The following SKIC3 variants were observed in gnomAD, a reference collection of about 807,000 sequenced individuals.
The protein encoded by SKIC3 is superkiller complex protein 3.
chr5:95,526,973 G>T, the SKIC3 span, among the ~76,000 whole-genome samples: 4 of 152,116 alleles, frequency 2.6e-5, no homozygotes, highest in Non-Finnish European at 5.9e-5. Flanking sequence ...TTCATAGTTG[G>T]GTTCTTAGCA....
the SKIC3 span, among the ~76,000 whole-genome samples, chr5:95,505,772 C>T: frequency 6.6e-6 from 1 of 150,800 alleles, no homozygotes; most frequent in South Asian, 2.1e-4. Context: ...AAGATCGCGC[C>T]ACTGCACTCC....
chr5:95,533,834 A>AT, the SKIC3 span, among the ~76,000 whole-genome samples: 9 of 152,020 alleles, frequency 5.9e-5, no homozygotes, highest in Non-Finnish European at 1.0e-4. Context: ...TGTTGATCCT[A>AT]TTTTTTTCTA....
chr5:95,506,966 A>G, the SKIC3 span: 2 of 1,613,504 alleles, frequency 1.2e-6, no homozygotes, highest in Non-Finnish European at 1.7e-6. Context: ...TTATTGCAAC[A>G]TTGTAAGTAT....
the SKIC3 span, among the ~76,000 whole-genome samples, chr5:95,525,113 C>T: frequency 2.0e-5 from 3 of 151,920 alleles, no homozygotes; most frequent in African/African-American, 4.8e-5. Flanking sequence ...TGAATTCCTG[C>T]GCTCAAGAGA....
chr5:95,538,800 C>G, the SKIC3 span, among the ~76,000 whole-genome samples: 2 of 151,954 alleles, frequency 1.3e-5, no homozygotes, highest in Admixed American at 6.6e-5. Context: ...TAAATTTACT[C>G]TAAATACTAA....
the SKIC3 span, chr5:95,517,033 C>T: frequency 2.5e-6 from 4 of 1,613,600 alleles, no homozygotes; most frequent in Non-Finnish European, 3.4e-6. Context: ...TAGATGTAGA[C>T]ATCAGTTTTA....
chr5:95,492,884 A>T, the SKIC3 span, among the ~76,000 whole-genome samples: 314 of 152,114 alleles, frequency 2.1e-3, 2 homozygotes, highest in African/African-American at 7.4e-3. Context: ...AATTTCTTCT[A>T]TCACAACACA....
At chr5:95,472,718 G>A in the SKIC3 span, among the ~76,000 whole-genome samples, 4 of 152,008 alleles carry the variant, frequency 2.6e-5, no homozygotes, top group Non-Finnish European at 5.9e-5. Flanking sequence ...ACCCAGTTAG[G>A]GAGCATAATA....
the SKIC3 span, among the ~76,000 whole-genome samples, chr5:95,465,012 C>T: frequency 6.7e-6 from 1 of 148,714 alleles, no homozygotes. Flanking sequence ...ACTGCAACCT[C>T]CACCTCCTGG....
the SKIC3 span, among the ~76,000 whole-genome samples, chr5:95,478,718 G>C: frequency 2.0e-5 from 3 of 151,932 alleles, no homozygotes; most frequent in Non-Finnish European, 4.4e-5. Flanking sequence ...TGCAAAGTTG[G>C]CTTAATATAT....
chr5:95,531,079 C>T, the SKIC3 span, among the ~76,000 whole-genome samples: 1 of 151,740 alleles, frequency 6.6e-6, no homozygotes, highest in Non-Finnish European at 1.5e-5. Flanking sequence ...AAAAAAAAGA[C>T]CCGATGCTTT....
At chr5:95,534,664 T>C in the SKIC3 span, among the ~76,000 whole-genome samples, 3 of 152,210 alleles carry the variant, frequency 2.0e-5, no homozygotes, top group African/African-American at 4.8e-5. Flanking sequence ...AGAGTCCACC[T>C]TCTTCTCTGA....
At chr5:95,499,882 T>G in the SKIC3 span, among the ~76,000 whole-genome samples, 1 of 152,108 alleles carries the variant, frequency 6.6e-6, no homozygotes, top group Non-Finnish European at 1.5e-5. Flanking sequence ...GACTTAGCCT[T>G]ATGGAGGAAA....
the SKIC3 span, among the ~76,000 whole-genome samples, chr5:95,549,816 T>C: frequency 1.8e-4 from 27 of 152,026 alleles, 1 homozygote; most frequent in Middle Eastern, 3.4e-3. Flanking sequence ...AAACCCTTAT[T>C]GAGATCCAAC....
At chr5:95,526,346 T>G in the SKIC3 span, among the ~76,000 whole-genome samples, 1 of 152,100 alleles carries the variant, frequency 6.6e-6, no homozygotes, top group African/African-American at 2.4e-5. Flanking sequence ...ATTCTCAAGG[T>G]GTTTAACATG....
chr5:95,486,340 G>A, the SKIC3 span, among the ~76,000 whole-genome samples: 1 of 152,140 alleles, frequency 6.6e-6, no homozygotes, highest in Non-Finnish European at 1.5e-5. Context: ...GCATATTCAA[G>A]TGCCCTGAGA....
the SKIC3 span, chr5:95,503,771 C>T: frequency 9.3e-6 from 15 of 1,611,060 alleles, no homozygotes; most frequent in Non-Finnish European, 1.1e-5. Flanking sequence ...CATGATTAAA[C>T]TCGACTCTAA....
At chr5:95,521,206 T>C in the SKIC3 span, among the ~76,000 whole-genome samples, 1 of 152,050 alleles carries the variant, frequency 6.6e-6, no homozygotes, top group East Asian at 1.9e-4. Context: ...AAAATCTGTA[T>C]AGCAAGCTAT....
At chr5:95,543,492 G>A in the SKIC3 span, among the ~76,000 whole-genome samples, 1 of 152,170 alleles carries the variant, frequency 6.6e-6, no homozygotes, top group Non-Finnish European at 1.5e-5. Context: ...TCAGGGGAAG[G>A]AGTTGGACTG....
Sources: allele counts gnomAD v4.1 joint callset (sites outside exome capture counted in the v4.1 genomes callset), GRCh38; gene constraint gnomAD v4.1.1; transcripts MANE v1.5; gene names NCBI Gene and HGNC (gene_info 2026-07-23, HGNC 2026-07-21).